The following GRIN3A variants were observed in gnomAD, a reference collection of about 807,000 sequenced individuals.
GRIN3A encodes the protein glutamate receptor ionotropic, NMDA 3A.
Under a neutral mutation model 92.4 loss-of-function variants are expected in GRIN3A, and 47 were observed. The observed-to-expected ratio is 0.51, with a 90% confidence interval of 0.40 to 0.65. The LOEUF (loss-of-function observed/expected upper bound fraction) is 0.65. Ranked by LOEUF, GRIN3A falls within the 30% of genes least tolerant of loss-of-function variation. GRIN3A has a pLI of 0.00. For synonymous variants in GRIN3A, 527 were observed against 540.6 expected, an observed-to-expected ratio of 0.97 and a Z score of 0.35; for missense variants, 1,324 against 1,393.1, an observed-to-expected ratio of 0.95 and a Z score of 0.79.
At position 101,572,867 on chromosome 9, in the gene GRIN3A, T is replaced by C. The variant is rs776963401; in HGVS notation, c.*307A>G. The C allele has an allele frequency of 2.4e-5, 9 of 374,706 alleles. No individual in the cohort carries two copies. The highest frequency in any genetic ancestry group is 3.5e-5 in the Non-Finnish European group (7 of 198,286). The allele number at this position is 374,706 out of a possible 1,614,324, so 23.2% of individuals were successfully genotyped here. ...GAGAAAGGGCTAAAAACCAGAAATA[T>C]TACTGTGGCACCTGGTGAAAAGGTT... is the stretch of plus-strand genomic sequence containing the variant. On this transcript the variant is annotated 3_prime_UTR_variant, in exon 9 of 9. Transcript: ENST00000361820.
intron 1 of GRIN3A, among the ~76,000 whole-genome samples, chr9:101,703,571 C>G (rs756900680): frequency 2.0e-5 from 3 of 152,236 alleles, no homozygotes; most frequent in Non-Finnish European, 4.4e-5. Flanking sequence ...CACTACTAAA[C>G]TGTAAGTCCC....
At chr9:101,698,563 C>T (rs1829712153) in intron 1 of GRIN3A, among the ~76,000 whole-genome samples, 1 of 152,310 alleles carries the variant, frequency 6.6e-6, no homozygotes, top group Middle Eastern at 3.4e-3. Flanking sequence ...TACTCCTAGG[C>T]TGCAGACTTG....
intron 3 of GRIN3A, among the ~76,000 whole-genome samples, chr9:101,642,578 C>T (rs978129146): frequency 2.6e-5 from 4 of 152,162 alleles, no homozygotes; most frequent in African/African-American, 9.7e-5. Flanking sequence ...AAGCCATATA[C>T]CCAAGCCATA....
chr9:101,638,386 C>T (rs1828811320), intron 3 of GRIN3A, among the ~76,000 whole-genome samples: 1 of 152,210 alleles, frequency 6.6e-6, no homozygotes, highest in Non-Finnish European at 1.5e-5. Flanking sequence ...TGACCCTGGC[C>T]TCCATGTCTT....
chr9:101,731,761 AG>A (rs1374809518), intron 1 of GRIN3A, among the ~76,000 whole-genome samples: 1 of 152,212 alleles, frequency 6.6e-6, no homozygotes, highest in Non-Finnish European at 1.5e-5. Flanking sequence ...CTGAGGTGTC[AG>A]GTTGAGGAAA....
chr9:101,648,065 A>G (rs1828962760), intron 3 of GRIN3A, among the ~76,000 whole-genome samples: 1 of 151,508 alleles, frequency 6.6e-6, no homozygotes, highest in African/African-American at 2.4e-5. Context: ...GTTGAGGTGC[A>G]TTATTTGGAA....
At chr9:101,729,325 T>C (rs1474097573) in intron 1 of GRIN3A, among the ~76,000 whole-genome samples, 2 of 152,194 alleles carry the variant, frequency 1.3e-5, no homozygotes, top group Admixed American at 6.5e-5. Context: ...CTAGAGGTCA[T>C]AGTCTGAAAT....
intron 4 of GRIN3A, among the ~76,000 whole-genome samples, chr9:101,624,205 A>T (rs1222425951): frequency 6.7e-6 from 1 of 150,068 alleles, no homozygotes; most frequent in Non-Finnish European, 1.5e-5. Flanking sequence ...TTCCTTTTTT[A>T]AAAATTTTTT....
At position 101,737,820 on chromosome 9, in the gene GRIN3A, GCACCGCGCCCACCCT is replaced by G; in HGVS notation, c.145_159del (p.Arg49_Val53del). 6.5e-7 allele frequency: 1 copy of G among 1,532,144 alleles called. No homozygotes were observed. Among genetic ancestry groups the G allele is most frequent in the Non-Finnish European group, 8.7e-7 (1 of 1,145,488 alleles). The allele number at this position is 1,532,144 out of a possible 1,614,324, so 94.9% of individuals were successfully genotyped here. On this transcript the variant is annotated inframe_deletion, in exon 1 of 9. Coordinates refer to ENST00000361820, the MANE Select transcript of GRIN3A (RefSeq NM_133445.3). ...GGGGCGGTGGTCCAGGGCTGCAAGT[GCACCGCGCCCACCCT>G]CACCGCGTGCCCGATGCGCTTGAGG... is the stretch of plus-strand genomic sequence containing the variant.
intron 6 of GRIN3A, among the ~76,000 whole-genome samples, chr9:101,604,673 G>C (rs939364401): frequency 1.3e-5 from 2 of 152,168 alleles, no homozygotes; most frequent in Non-Finnish European, 2.9e-5. Context: ...AAAGGGGCAG[G>C]AGGGTGTTGG....
In GRIN3A at chr9:101,738,379, G is replaced by C. The variant is rs1261861881; in HGVS notation, c.-400C>G. 1 of 263,842 alleles carries C rather than the reference G, an allele frequency of 3.8e-6. No homozygotes were observed. Among genetic ancestry groups the C allele is most frequent in the Non-Finnish European group, 7.2e-6 (1 of 138,466 alleles). 16.3% of individuals were successfully genotyped at this position (263,842 alleles called of 1,614,324 possible). A position where few individuals can be genotyped will look rare whatever the true frequency, so the allele number is the denominator to read the frequency against. On this transcript the variant is annotated 5_prime_UTR_variant, in exon 1 of 9. Transcript: ENST00000361820. ...TTCCTCGGGGGCAGCAGTGACAGAG[G>C]AGCGACGCGCTCTCGCCTGGATTCT...
intron 1 of GRIN3A, among the ~76,000 whole-genome samples, chr9:101,736,578 A>G (rs1414380363): frequency 1.3e-5 from 2 of 152,124 alleles, no homozygotes; most frequent in East Asian, 1.9e-4. Flanking sequence ...TCCACATTAC[A>G]TAGAAGGAAA....
chr9:101,607,129 G>A (rs1233233268), intron 6 of GRIN3A, among the ~76,000 whole-genome samples: 1 of 149,294 alleles, frequency 6.7e-6, no homozygotes, highest in East Asian at 2.0e-4. Flanking sequence ...AAGTGACTCT[G>A]GAGAGCAGAT....
chr9:101,607,329 T>C (rs1455069709), intron 6 of GRIN3A, among the ~76,000 whole-genome samples: 1 of 152,134 alleles, frequency 6.6e-6, no homozygotes, highest in African/African-American at 2.4e-5. Context: ...TAGGTCACCA[T>C]ATAATTTGTT....
At position 101,644,833 on chromosome 9, in the gene GRIN3A, G is replaced by A. The variant is rs553959412; in HGVS notation, c.2353-16432C>T. On this transcript the variant is annotated intron_variant, in intron 3 of 8. Coordinates refer to ENST00000361820, the MANE Select transcript of GRIN3A (RefSeq NM_133445.3). ...TTTCTCTATACCCCCATTTTCTGGG[G>A]CAGAGCTTGTTATTTAGATGTCCCT... Among the ~76,000 whole-genome samples, 18 of 151,812 alleles carry A rather than the reference G, an allele frequency of 1.2e-4. No homozygotes were observed. In the East Asian group the frequency reaches 3.5e-3, roughly 30 times the overall value.
At chr9:101,731,130 A>G (rs1287617087) in intron 1 of GRIN3A, among the ~76,000 whole-genome samples, 3 of 152,174 alleles carry the variant, frequency 2.0e-5, no homozygotes, top group Non-Finnish European at 2.9e-5. Flanking sequence ...ACATTATTAT[A>G]TAATATGCTT....
chr9:101,689,222 T>G (rs1829580717), intron 1 of GRIN3A, among the ~76,000 whole-genome samples: 1 of 152,188 alleles, frequency 6.6e-6, no homozygotes, highest in Admixed American at 6.5e-5. Context: ...CTAAGTGTTT[T>G]CTTGGCTTCA....
rs997402088 is a variant in GRIN3A, at chr9:101,738,172, G to A, written c.-193C>T. ...CGCGCCTCCGGCAGTCTCAGATCCC[G>A]CTCCCAGGTCCCTCCGCCTGGCATC... On this transcript the variant is annotated 5_prime_UTR_variant, in exon 1 of 9. Coordinates refer to ENST00000361820, the MANE Select transcript of GRIN3A (RefSeq NM_133445.3). 2.2e-5 allele frequency: 14 copies of A among 649,062 alleles called. No homozygotes were observed. Among genetic ancestry groups the A allele is most frequent in the African/African-American group, 1.3e-4 (7 of 55,926 alleles). 40.2% of individuals were successfully genotyped at this position (649,062 alleles called of 1,614,324 possible).
intron 3 of GRIN3A, among the ~76,000 whole-genome samples, chr9:101,648,729 T>C (rs952718188): frequency 6.6e-6 from 1 of 152,128 alleles, no homozygotes; most frequent in Admixed American, 6.6e-5. Flanking sequence ...TTGTCACTGC[T>C]GGAGCTTTGT....
Sources: allele counts gnomAD v4.1 joint callset (sites outside exome capture counted in the v4.1 genomes callset), GRCh38; gene constraint gnomAD v4.1.1; transcripts MANE v1.5; gene names NCBI Gene and HGNC (gene_info 2026-07-23, HGNC 2026-07-21).